The following TNNI3K variants were observed in gnomAD, a reference collection of about 807,000 sequenced individuals.
The protein encoded by TNNI3K is TNNI3 interacting kinase.
TNNI3K carries 140 observed loss-of-function variants against 114.5 expected under a neutral mutation model. The ratio of observed to expected loss-of-function variants is 1.22; its 90% CI spans 1.07 to 1.41. The LOEUF is 1.41. TNNI3K is among the 40% of genes most tolerant of loss of function. TNNI3K has a pLI of 0.00. For missense variants in TNNI3K, 1,125 were observed against 1,007.6 expected, an observed-to-expected ratio of 1.12 and a Z score of -1.58; for synonymous variants, 347 against 347.5, an observed-to-expected ratio of 1.00 and a Z score of 0.02.
At chr1:74,319,627 G>A (rs1659501594) in intron 5 of TNNI3K, among the ~76,000 whole-genome samples, 2 of 152,110 alleles carry the variant, frequency 1.3e-5, no homozygotes, top group African/African-American at 4.8e-5. Flanking sequence ...AGCAAACATG[G>A]CCTGGCAAGT....
chr1:74,314,273 G>T (rs572752765), intron 5 of TNNI3K, among the ~76,000 whole-genome samples: 1 of 151,628 alleles, frequency 6.6e-6, no homozygotes, highest in African/African-American at 2.4e-5. Flanking sequence ...AGAAGAACTA[G>T]AAAAGAAAAT....
At chr1:74,443,730 C>T (rs1666491912) in intron 20 of TNNI3K, among the ~76,000 whole-genome samples, 1 of 152,148 alleles carries the variant, frequency 6.6e-6, no homozygotes, top group South Asian at 2.1e-4. Flanking sequence ...AGACCAATAT[C>T]CCTCATGAAT....
intron 11 of TNNI3K, among the ~76,000 whole-genome samples, chr1:74,361,235 C>T (rs921220221): frequency 2.0e-5 from 3 of 152,132 alleles, no homozygotes; most frequent in South Asian, 4.1e-4. Context: ...GGTTGGAATG[C>T]TTTTCTCCTA....
At position 74,427,623 on chromosome 1, in the gene TNNI3K, A is replaced by G. The variant is rs549283745; in HGVS notation, c.1773-8457A>G. Among the ~76,000 whole-genome samples, 3 of 152,222 alleles carry G rather than the reference A, an allele frequency of 2.0e-5. No individual in the cohort carries two copies. In the East Asian group the frequency reaches 5.8e-4, roughly 29 times the overall value. On this transcript the variant is annotated intron_variant, in intron 17 of 24. Transcript: ENST00000326637. Reference sequence around the variant, plus strand: ...CTTTCTCAATTTTAAATTTAAAAAAACAAATTATATATAATGAATACATAG... The same window carrying G: ...CTTTCTCAATTTTAAATTTAAAAAAGCAAATTATATATAATGAATACATAG...
At chr1:74,245,028 A>C (rs1323137580) in intron 2 of TNNI3K, among the ~76,000 whole-genome samples, 18 of 152,176 alleles carry the variant, frequency 1.2e-4, no homozygotes. Context: ...CACCATGATG[A>C]ATAAAAATTA....
chr1:74,439,253 T>C (rs1429248660), intron 19 of TNNI3K: 5 of 406,418 alleles, frequency 1.2e-5, no homozygotes, highest in African/African-American at 4.1e-5. Context: ...AACTTTATGA[T>C]CTTCCAATGA....
At chr1:74,453,482 G>C (rs1667108541) in intron 20 of TNNI3K, among the ~76,000 whole-genome samples, 1 of 152,156 alleles carries the variant, frequency 6.6e-6, no homozygotes, top group Admixed American at 6.6e-5. Context: ...TGACTGCAAA[G>C]TGAGACAGCA....
intron 21 of TNNI3K, among the ~76,000 whole-genome samples, chr1:74,476,311 T>G (rs1668203337): frequency 6.6e-6 from 1 of 152,162 alleles, no homozygotes; most frequent in Admixed American, 6.6e-5. Context: ...TTTCCTGTCT[T>G]GACAAATGGC....
At chr1:74,340,002 C>T (rs1313650541) in intron 7 of TNNI3K, among the ~76,000 whole-genome samples, 31 of 151,978 alleles carry the variant, frequency 2.0e-4, no homozygotes, top group Non-Finnish European at 4.4e-5. Flanking sequence ...CATGTCCAGC[C>T]ATAGGAAGTG....
chr1:74,489,039 A>G, intron 21 of TNNI3K, 150 bp from the exon 22 acceptor site: 1 of 613,654 alleles, frequency 1.6e-6, no homozygotes, highest in Non-Finnish European at 2.6e-6. Context: ...TGAACATTCA[A>G]TTAACACTTC....
intron 24 of TNNI3K, chr1:74,541,661 A>T (rs2100466870): frequency 6.6e-6 from 1 of 152,350 alleles, no homozygotes; most frequent in East Asian, 1.9e-4. Context: ...TTCTTAAAGA[A>T]GAATTCCCCC....
chr1:74,538,271 T>C (rs184017551), intron 23 of TNNI3K, among the ~76,000 whole-genome samples: 1 of 152,238 alleles, frequency 6.6e-6, no homozygotes, highest in Admixed American at 6.6e-5. Flanking sequence ...TATAGAGGAC[T>C]TGGTATATCG....
At chr1:74,456,506 C>G (rs1280248727) in intron 20 of TNNI3K, among the ~76,000 whole-genome samples, 1 of 152,174 alleles carries the variant, frequency 6.6e-6, no homozygotes, top group East Asian at 1.9e-4. Flanking sequence ...CTTGTCTCCT[C>G]TGATACATCA....
At chr1:74,427,423 A>G (rs559842454) in intron 17 of TNNI3K, among the ~76,000 whole-genome samples, 10 of 151,460 alleles carry the variant, frequency 6.6e-5, no homozygotes, top group Middle Eastern at 3.5e-3. Flanking sequence ...GGTTTTGACT[A>G]TATGCTTTAT....
At chr1:74,426,302 A>T (rs899946389) in intron 17 of TNNI3K, among the ~76,000 whole-genome samples, 1 of 152,202 alleles carries the variant, frequency 6.6e-6, no homozygotes, top group Non-Finnish European at 1.5e-5. Flanking sequence ...TCCTTCTGAG[A>T]GGTTAAAAGA....
intron 17 of TNNI3K, chr1:74,378,586 G>A (rs1453021661): frequency 7.1e-5 from 7 of 98,332 alleles, no homozygotes; most frequent in Admixed American, 3.6e-4. Context: ...GTTGTTGTCA[G>A]TTTAATTTTA....
chr1:74,313,548 G>A (rs1054792017), intron 5 of TNNI3K, among the ~76,000 whole-genome samples: 1 of 152,106 alleles, frequency 6.6e-6, no homozygotes, highest in Non-Finnish European at 1.5e-5. Context: ...CCTCACTAAG[G>A]TTTAGCAGAT....
rs1669108160 is a variant in TNNI3K at position 74,492,094 on chromosome 1, C to A, written c.2182-3C>A. On this transcript the variant is annotated splice_polypyrimidine_tract_variant and splice_region_variant and intron_variant, in intron 22 of 24. Transcript: ENST00000326637. Reference sequence around the variant, plus strand: ...CAATTGAAATTGCCCCTCCTCCACTCAGCTGATGTCTCCTGCATCAAGTAA... The same window carrying A: ...CAATTGAAATTGCCCCTCCTCCACTAAGCTGATGTCTCCTGCATCAAGTAA... 1 of 1,552,800 alleles carries A rather than the reference C, an allele frequency of 6.4e-7. No individual in the cohort carries two copies. Among genetic ancestry groups the A allele is most frequent in the Non-Finnish European group, 8.8e-7 (1 of 1,139,692 alleles).
intron 17 of TNNI3K, among the ~76,000 whole-genome samples, chr1:74,420,331 G>A (rs555657906): frequency 6.6e-6 from 1 of 152,122 alleles, no homozygotes; most frequent in African/African-American, 2.4e-5. Flanking sequence ...GCACCTATTT[G>A]TTCAAAGAAA....
Sources: gnomAD v4.1 joint callset for allele counts (sites outside exome capture counted in the v4.1 genomes callset) on GRCh38, gnomAD v4.1.1 for gene constraint, MANE v1.5 for transcripts, NCBI Gene and HGNC (gene_info 2026-07-23, HGNC 2026-07-21) for gene names.